GPM6A: variants seen among roughly 807,000 people sequenced by gnomAD.
GPM6A encodes the protein glycoprotein M6A, also known as neuronal membrane glycoprotein M6-a.
In GPM6A, 7 loss-of-function variants were observed where a neutral mutation model predicts 32.1. That is an observed-to-expected ratio of 0.22 (90% CI 0.12 to 0.41). The LOEUF (loss-of-function observed/expected upper bound fraction) is 0.41. Among genes scored for constraint, GPM6A ranks in the 10% least tolerant of loss-of-function variants. The pLI, the probability that GPM6A is intolerant of heterozygous loss-of-function variation, is 1.00. For synonymous variants in GPM6A, 130 were observed against 123.4 expected, an observed-to-expected ratio of 1.05 and a Z score of -0.35; for missense variants, 235 against 347.2, an observed-to-expected ratio of 0.68 and a Z score of 2.57.
intron 1 of GPM6A, among the ~76,000 whole-genome samples, chr4:175,902,012 T>C (rs1737984781): frequency 1.3e-5 from 2 of 152,100 alleles, no homozygotes; most frequent in South Asian, 4.1e-4. Context: ...CCAATAGAAA[T>C]GAAAATAAAT....
chr4:175,962,549 C>G, intron 1 of GPM6A: 2 of 451,578 alleles, frequency 4.4e-6, no homozygotes, highest in South Asian at 1.8e-5. Context: ...CCTGTACTCT[C>G]TGCTCTGCAG....
chr4:175,663,145 A>T (rs2110951919), intron 3 of GPM6A, among the ~76,000 whole-genome samples: 1 of 152,336 alleles, frequency 6.6e-6, no homozygotes, highest in South Asian at 2.1e-4. Flanking sequence ...GCAATGCATT[A>T]CAAAACTAAC....
chr4:175,891,111 T>C (rs1737634977), intron 1 of GPM6A, among the ~76,000 whole-genome samples: 1 of 152,130 alleles, frequency 6.6e-6, no homozygotes, highest in African/African-American at 2.4e-5. Context: ...CTACTTAACA[T>C]AAGTAATTTT....
intron 1 of GPM6A, chr4:175,891,492 C>CAAGGA (rs1737647046): frequency 6.6e-6 from 1 of 152,224 alleles, no homozygotes; most frequent in Non-Finnish European, 1.5e-5. Flanking sequence ...GTAATAAATC[C>CAAGGA]TTTCTAACAC....
intron 1 of GPM6A, among the ~76,000 whole-genome samples, chr4:175,873,503 A>G (rs1736980471): frequency 6.6e-6 from 1 of 152,120 alleles, no homozygotes; most frequent in African/African-American, 2.4e-5. Flanking sequence ...TGGGAAATAT[A>G]TTTTGATAAA....
chr4:175,993,601 C>A (rs1279285196), intron 1 of GPM6A, among the ~76,000 whole-genome samples: 1 of 152,124 alleles, frequency 6.6e-6, no homozygotes, highest in Non-Finnish European at 1.5e-5. Context: ...CTGCAATGAC[C>A]AATATTAAAT....
At chr4:175,955,697 G>A (rs1296767381) in intron 1 of GPM6A, among the ~76,000 whole-genome samples, 6 of 152,128 alleles carry the variant, frequency 3.9e-5, no homozygotes, top group African/African-American at 1.2e-4. Context: ...TTCATTCCAA[G>A]CAGTAACAAC....
chr4:175,999,668 T>C (rs753336984), intron 1 of GPM6A, among the ~76,000 whole-genome samples: 1 of 152,152 alleles, frequency 6.6e-6, no homozygotes, highest in Non-Finnish European at 1.5e-5. Flanking sequence ...TGAGAATTGA[T>C]TGCTACATTC....
intron 3 of GPM6A, among the ~76,000 whole-genome samples, chr4:175,653,355 A>G (rs1741909692): frequency 6.6e-6 from 1 of 152,102 alleles, no homozygotes; most frequent in Non-Finnish European, 1.5e-5. Flanking sequence ...AGCATTCTCA[A>G]ACACATGTTT....
chr4:175,878,602 G>A (rs1438378509), intron 1 of GPM6A, among the ~76,000 whole-genome samples: 1 of 152,122 alleles, frequency 6.6e-6, no homozygotes, highest in East Asian at 1.9e-4. Context: ...ACTGCACAAA[G>A]CAACAAGGTC....
intron 1 of GPM6A, among the ~76,000 whole-genome samples, chr4:175,909,840 GT>G (rs1384092005): frequency 1.3e-5 from 2 of 152,098 alleles, no homozygotes; most frequent in Non-Finnish European, 2.9e-5. Flanking sequence ...ATAATCATAA[GT>G]GTATTTACAG....
rs553387560 is a variant in GPM6A, at chr4:175,928,041, T to C, written c.-23+74268A>G. Among the ~76,000 whole-genome samples the C allele has an allele frequency of 2.6e-5, 4 of 152,316 alleles. 1 individual carries two copies. Among genetic ancestry groups the C allele is most frequent in the African/African-American group, 7.2e-5 (3 of 41,578 alleles). ...TCATTGTTATTTAGCAAATTATTCT[T>C]ATTTTTTAAGGAGGACGTGAAACTG... On this transcript the variant is annotated intron_variant, in intron 1 of 7. Coordinates refer to the GPM6A transcript ENST00000280187.
intron 1 of GPM6A, among the ~76,000 whole-genome samples, chr4:175,723,140 A>G (rs141431434): frequency 2.6e-5 from 4 of 152,212 alleles, no homozygotes; most frequent in Non-Finnish European, 4.4e-5. Flanking sequence ...TAGTTACAAA[A>G]GCTATATATT....
At position 175,686,376 on chromosome 4, in the gene GPM6A, A is replaced by G. The variant is rs561425985; in HGVS notation, c.231-12540T>C. 3.6e-4 allele frequency among the ~76,000 whole-genome samples: 55 copies of G among 152,344 alleles called. No homozygotes were observed. In the South Asian group the frequency reaches 0.011, roughly 31 times the overall value. On this transcript the variant is annotated intron_variant, in intron 2 of 6. Transcript: ENST00000393658. ...ATTACTTAACATGGCAAAGGAGTGA[A>G]TATTAACTTTCATGGCATAAATTGT... is the stretch of plus-strand genomic sequence containing the variant.
chr4:175,993,895 T>C (rs907066252), intron 1 of GPM6A, among the ~76,000 whole-genome samples: 3 of 152,202 alleles, frequency 2.0e-5, no homozygotes, highest in Admixed American at 1.3e-4. Flanking sequence ...CTCCAGGCAT[T>C]TGTGCAACTT....
intron 1 of GPM6A, among the ~76,000 whole-genome samples, chr4:175,870,222 A>G (rs1736864370): frequency 6.6e-6 from 1 of 152,020 alleles, no homozygotes; most frequent in African/African-American, 2.4e-5. Flanking sequence ...ACTTTAAAAT[A>G]CAAGATCTGC....
At chr4:175,705,637 G>A (rs927447566) in intron 1 of GPM6A, among the ~76,000 whole-genome samples, 1 of 152,058 alleles carries the variant, frequency 6.6e-6, no homozygotes, top group African/African-American at 2.4e-5. Flanking sequence ...CAGAGCAGCA[G>A]AGTTGTCATA....
chr4:175,796,340 C>A (rs1249742314), intron 1 of GPM6A, among the ~76,000 whole-genome samples: 2 of 152,122 alleles, frequency 1.3e-5, no homozygotes, highest in African/African-American at 4.8e-5. Context: ...ATAATATAAT[C>A]TTAAAGATGA....
chr4:175,878,630 G>A (rs73010154), intron 1 of GPM6A, among the ~76,000 whole-genome samples: 3,864 of 152,164 alleles, frequency 0.025, 157 homozygotes, highest in African/African-American at 0.087. Context: ...TGGCTCAAAA[G>A]ATCATTTTTT....
Sources: allele counts gnomAD v4.1 joint callset (sites outside exome capture counted in the v4.1 genomes callset), GRCh38; gene constraint gnomAD v4.1.1; transcripts MANE v1.5; gene names NCBI Gene and HGNC (gene_info 2026-07-23, HGNC 2026-07-21).